The following NEBL variants were observed in gnomAD, a reference collection of about 807,000 sequenced individuals.
NEBL encodes nebulette.
In NEBL, 122 loss-of-function variants were observed where a neutral mutation model predicts 140.2. The observed-to-expected ratio is 0.87, with a 90% CI of 0.75 to 1.01. The LOEUF (loss-of-function observed/expected upper bound fraction) is 1.01, where lower values mean the gene tolerates loss of function less well. Among genes scored for constraint, NEBL ranks in the 50% least tolerant of loss-of-function variants. NEBL has a pLI of 0.00. For synonymous variants in NEBL, 436 were observed against 398.9 expected (o/e 1.09, Z -1.11); for missense variants, 1,365 against 1,231.3 (o/e 1.11, Z -1.62).
intron 2 of NEBL, chr10:21,146,649 T>C: frequency 1.6e-6 from 1 of 606,626 alleles, no homozygotes; most frequent in Non-Finnish European, 2.9e-6. Context: ...TGTTGACTGA[T>C]TATGAGATGC....
At chr10:21,178,715 C>A (rs1180311696), upstream of NEBL, among the ~76,000 whole-genome samples, 1 of 152,200 alleles carries the variant, frequency 6.6e-6, no homozygotes, top group African/African-American at 2.4e-5. Flanking sequence ...TGAAACATTC[C>A]TTGGTAGATG....
intron 2 of NEBL, among the ~76,000 whole-genome samples, chr10:21,100,393 T>C (rs1837424263): frequency 6.6e-6 from 1 of 152,224 alleles, no homozygotes; most frequent in African/African-American, 2.4e-5. Flanking sequence ...CTCTGCTCCA[T>C]TGTCAGCTGT....
At chr10:21,110,710 G>C (rs185151446) in intron 2 of NEBL, 2 of 494,136 alleles carry the variant, frequency 4.0e-6, no homozygotes, top group Non-Finnish European at 4.0e-6. Context: ...ATGGACATGA[G>C]CCCCCTGAGG....
chr10:20,954,439 C>T (rs1835682184), intron 4 of NEBL, among the ~76,000 whole-genome samples: 1 of 152,186 alleles, frequency 6.6e-6, no homozygotes, highest in South Asian at 2.1e-4. Context: ...ACTCATAATG[C>T]AGCTATAGAA....
At chr10:21,263,151 C>A (rs570887679) in intron 1 of NEBL, among the ~76,000 whole-genome samples, 45 of 152,260 alleles carry the variant, frequency 3.0e-4, no homozygotes, top group Non-Finnish European at 5.6e-4. Flanking sequence ...GGGCATTGTT[C>A]TAAGTACTCT....
intron 14 of NEBL, among the ~76,000 whole-genome samples, chr10:20,834,758 A>C (rs1376171381): frequency 1.3e-5 from 2 of 152,202 alleles, no homozygotes; most frequent in Non-Finnish European, 2.9e-5. Context: ...CACATCCCAA[A>C]GCTTCTTTAC....
intron 2 of NEBL, among the ~76,000 whole-genome samples, chr10:21,115,033 T>G (rs930330182): frequency 6.6e-6 from 1 of 152,082 alleles, no homozygotes; most frequent in Non-Finnish European, 1.5e-5. Flanking sequence ...CCTTTTTATC[T>G]TCTTTATTGG....
chr10:20,814,295 C>T (rs1838472736), intron 22 of NEBL, among the ~76,000 whole-genome samples: 2 of 152,062 alleles, frequency 1.3e-5, no homozygotes, highest in African/African-American at 4.8e-5. Flanking sequence ...TAGTAACTAT[C>T]TATCTAGTCT....
rs192513349 is a variant in NEBL at position 20,915,389 on chromosome 10, A to G, written c.357+46283T>C. Among the ~76,000 whole-genome samples, 1,176 of 148,722 alleles carry G rather than the reference A, an allele frequency of 7.9e-3. 10 individuals are homozygous for G. Among genetic ancestry groups the G allele is most frequent in the African/African-American group, 0.028 (1,121 of 40,240 alleles). ...CATCTAGCATTAGGTATATCTCCCA[A>G]TGCTATCCCTCCCCCCTCCCCCTAC... On this transcript the variant is annotated intron_variant, in intron 4 of 6. Coordinates refer to the NEBL transcript ENST00000417816.
chr10:21,281,154 C>G (rs1842987013), intron 1 of NEBL, among the ~76,000 whole-genome samples: 1 of 152,186 alleles, frequency 6.6e-6, no homozygotes, highest in South Asian at 2.1e-4. Context: ...GAGGCCTGAG[C>G]TGTCAACAGG....
At chr10:21,228,423 C>T (rs759626938) in intron 3 of NEBL, among the ~76,000 whole-genome samples, 9 of 152,082 alleles carry the variant, frequency 5.9e-5, no homozygotes, top group South Asian at 2.1e-4. Context: ...CAAAGTGCTA[C>T]GATTACAGGC....
At chr10:21,030,391 T>C (rs573831947) in intron 2 of NEBL, 10 of 614,094 alleles carry the variant, frequency 1.6e-5, no homozygotes, top group East Asian at 8.5e-5. Context: ...GGAGAGAGAC[T>C]GAAAAGTCTC....
chr10:21,135,542 C>G (rs11012542), intron 2 of NEBL, among the ~76,000 whole-genome samples: 6,601 of 152,248 alleles, frequency 0.043, 281 homozygotes, highest in East Asian at 0.23. Context: ...CAATCAGCCT[C>G]CTGCAACTCC....
chr10:20,828,412 AC>A (rs1312356724), intron 17 of NEBL, 117 bp downstream of exon 17: 22 of 696,494 alleles, frequency 3.2e-5, no homozygotes, highest in East Asian at 2.2e-4. Context: ...TAAAGATAAT[AC>A]ACTTGACAGA....
chr10:20,946,462 T>G (rs1395178091), intron 4 of NEBL, among the ~76,000 whole-genome samples: 1 of 152,162 alleles, frequency 6.6e-6, no homozygotes, highest in African/African-American at 2.4e-5. Flanking sequence ...TTTTGTTTTT[T>G]GTTTGTTTGT....
At chr10:20,795,090 T>A (rs937358776) in intron 26 of NEBL, among the ~76,000 whole-genome samples, 2 of 151,936 alleles carry the variant, frequency 1.3e-5, no homozygotes, top group African/African-American at 4.8e-5. Context: ...AGTGTGAGAT[T>A]AATTTCAAAA....
intron 4 of NEBL, among the ~76,000 whole-genome samples, chr10:20,928,142 C>T (rs1834003325): frequency 6.6e-6 from 1 of 152,196 alleles, no homozygotes. Context: ...ACTTACAGCA[C>T]ATCTCAATCC....
chr10:21,027,332 T>G (rs1301112014), intron 2 of NEBL, among the ~76,000 whole-genome samples: 1 of 150,936 alleles, frequency 6.6e-6, no homozygotes, highest in South Asian at 2.1e-4. Context: ...TTTTGTTTTT[T>G]TTTTTTTAAT....
chr10:21,099,379 G>C (rs1344918510), intron 2 of NEBL, among the ~76,000 whole-genome samples: 2 of 152,028 alleles, frequency 1.3e-5, no homozygotes, highest in African/African-American at 4.8e-5. Flanking sequence ...GTGCCAGCCT[G>C]TGTTCTGTCC....
Sources: gnomAD v4.1 joint callset for allele counts (sites outside exome capture counted in the v4.1 genomes callset) on GRCh38, gnomAD v4.1.1 for gene constraint, MANE v1.5 for transcripts, NCBI Gene and HGNC (gene_info 2026-07-23, HGNC 2026-07-21) for gene names.